The following PCDHGB2 variants were observed in gnomAD, a reference collection of about 807,000 sequenced individuals.
The protein encoded by PCDHGB2 is protocadherin gamma-B2.
PCDHGB2 carries 55 observed loss-of-function variants against 59.3 expected under a neutral mutation model. That is an observed-to-expected ratio of 0.93 (90% CI 0.75 to 1.16). PCDHGB2 has a LOEUF of 1.16. PCDHGB2 is among the 50% of genes most tolerant of loss of function. The probability of loss-of-function intolerance (pLI) is 0.00; values close to 1 mark genes in which losing one functional copy is unlikely to be tolerated. For missense variants in PCDHGB2, 1,228 were observed against 1,198.5 expected, an observed-to-expected ratio of 1.02 and a Z score of -0.36; for synonymous variants, 516 against 512.0, an observed-to-expected ratio of 1.01 and a Z score of -0.11.
At chr5:141,482,356 G>T (rs1330274684) in intron 1 of PCDHGB2, among the ~76,000 whole-genome samples, 1 of 152,236 alleles carries the variant, frequency 6.6e-6, no homozygotes, top group East Asian at 1.9e-4. Flanking sequence ...TGTTGTGAGA[G>T]TGAAAAGTAA....
At chr5:141,407,961 A>C in intron 1 of PCDHGB2, 1 of 672,320 alleles carries the variant, frequency 1.5e-6, no homozygotes, top group Non-Finnish European at 2.4e-6. Context: ...AGTGCAGAGC[A>C]AGCGCTGACG....
At position 141,419,294 on chromosome 5, in the gene PCDHGB2, C is replaced by T. The variant is rs770303087; in HGVS notation, c.2421+56738C>T. ...CATAGCGCAAGTCAGTGCCTCTGAC[C>T]CAGACTTCGGGCTCAACGGCCGTGT... On this transcript the variant is annotated intron_variant, in intron 1 of 3. Transcript: ENST00000522605. The T allele has an allele frequency of 1.9e-6, 3 of 1,614,036 alleles. No homozygotes were observed. Among genetic ancestry groups the T allele is most frequent in the East Asian group, 2.2e-5 (1 of 44,886 alleles).
Position 141,415,114 on chromosome 5 carries a change from G to A in PCDHGB2, c.2421+52558G>A, listed in dbSNP as rs186848544. On this transcript the variant is annotated intron_variant, in intron 1 of 3. Transcript: ENST00000522605. Reference sequence around the variant, plus strand: ...CAGAGACGCGCTCAAGCAAAGCCTCGTAGTGGCCGTCCAGGACCACGGCCA... The same window carrying A: ...CAGAGACGCGCTCAAGCAAAGCCTCATAGTGGCCGTCCAGGACCACGGCCA... 1.7e-5 allele frequency: 28 copies of A among 1,613,646 alleles called. No homozygotes were observed. In the African/African-American group the frequency reaches 2.7e-4, roughly 15 times the overall value.
chr5:141,471,017 A>G (rs989277146), intron 1 of PCDHGB2, among the ~76,000 whole-genome samples: 3 of 143,850 alleles, frequency 2.1e-5, no homozygotes, highest in African/African-American at 7.8e-5. Context: ...GTGCCTGGTC[A>G]ATCATTTTTA....
chr5:141,410,174 G>A (rs1369332920), intron 1 of PCDHGB2: 4 of 1,613,588 alleles, frequency 2.5e-6, no homozygotes, highest in East Asian at 2.2e-5. Flanking sequence ...CTCTGCCACC[G>A]CCACGCTTCA....
intron 1 of PCDHGB2, chr5:141,433,041 C>G (rs1171788078): frequency 6.2e-7 from 1 of 1,614,036 alleles, no homozygotes; most frequent in Non-Finnish European, 8.5e-7. Flanking sequence ...TCCCTCACCA[C>G]GGACTCGCGG....
chr5:141,384,804 A>C (rs1780531756), intron 1 of PCDHGB2: 1 of 1,613,332 alleles, frequency 6.2e-7, no homozygotes, highest in Non-Finnish European at 8.5e-7. Flanking sequence ...TGCTGGACAG[A>C]GATGCCCTCA....
chr5:141,368,109 C>T (rs1489519335), intron 1 of PCDHGB2, among the ~76,000 whole-genome samples: 2 of 152,118 alleles, frequency 1.3e-5, no homozygotes, highest in Non-Finnish European at 2.9e-5. Context: ...TCAGATGTTT[C>T]TTATTAAAAT....
chr5:141,382,792 T>C (rs993602404), intron 1 of PCDHGB2: 3 of 949,494 alleles, frequency 3.2e-6, no homozygotes, highest in Middle Eastern at 2.2e-4. Flanking sequence ...GCCTCTATCC[T>C]GCTGGATTCT....
intron 1 of PCDHGB2, among the ~76,000 whole-genome samples, chr5:141,482,760 C>CAGCTGTG (rs1363796107): frequency 2.1e-5 from 3 of 141,084 alleles, no homozygotes; most frequent in African/African-American, 5.7e-5. Flanking sequence ...TATGGTATTT[C>CAGCTGTG]ATTATCACTG....
chr5:141,477,263 G>A lies in PCDHGB2; in HGVS notation c.2422-17544G>A, dbSNP rs543767777. 1.4e-5 allele frequency: 23 copies of A among 1,614,192 alleles called. No individual in the cohort carries two copies. The highest frequency in any genetic ancestry group is 1.8e-5 in the Non-Finnish European group (21 of 1,180,046). On this transcript the variant is annotated intron_variant, in intron 1 of 3. Transcript: ENST00000522605. The surrounding 1 kb of genome is among the most constrained non-coding windows in gnomAD (Gnocchi z 4.9). The stretch of plus-strand genomic sequence containing the variant: ...CAGTGTGACTGACCTGGATGCTGGC[G>A]AGAACGGGCTGGTGACCTGCGAAGT...
chr5:141,416,062 T>G, intron 1 of PCDHGB2: 1 of 176,822 alleles, frequency 5.7e-6, no homozygotes, highest in Non-Finnish European at 1.2e-5. Flanking sequence ...AATCCAAGAA[T>G]ACTCAATGCA....
rs747994258 is a variant in PCDHGB2 at position 141,365,910 on chromosome 5, A to G, written c.2421+3354A>G. ...TCCTTCGACTATGAGCAGTTGAGAGACCTACAGTTGTGGGTGACAGCCAGC... is the reference window on the plus strand; with the variant it reads ...TCCTTCGACTATGAGCAGTTGAGAGGCCTACAGTTGTGGGTGACAGCCAGC... On this transcript the variant is annotated intron_variant, in intron 1 of 3. Transcript: ENST00000522605. The G allele has an allele frequency of 5.0e-6, 8 of 1,614,146 alleles. No homozygotes were observed. In the South Asian group the frequency reaches 8.8e-5, roughly 18 times the overall value.
rs115565444 is a variant in PCDHGB2 at position 141,487,520 on chromosome 5, G to C, written c.2422-7287G>C. 1 of 1,614,166 alleles carries C rather than the reference G, an allele frequency of 6.2e-7. No individual in the cohort carries two copies. Among genetic ancestry groups the C allele is most frequent in the Non-Finnish European group, 8.5e-7 (1 of 1,180,042 alleles). ...CTTGGCTTCTGCACCCACTCGGAGT[G>C]ATAGCTTCATGATGGTGAAGTCACC... On this transcript the variant is annotated intron_variant, in intron 1 of 3. Coordinates refer to ENST00000522605, the MANE Select transcript of PCDHGB2 (RefSeq NM_018923.3). The surrounding 1 kb of genome is among the most constrained non-coding windows in gnomAD (Gnocchi z 5.0).
chr5:141,385,549 C>T, intron 1 of PCDHGB2: 3 of 1,316,166 alleles, frequency 2.3e-6, no homozygotes, highest in East Asian at 2.9e-5. Context: ...TGGACTATCA[C>T]ATTTTATAAT....
Position 141,485,943 on chromosome 5 carries a change from C to A in PCDHGB2, c.2422-8864C>A, listed in dbSNP as rs750871245. The A allele has an allele frequency of 1.9e-6, 3 of 1,614,126 alleles. No individual in the cohort carries two copies. Among genetic ancestry groups the A allele is most frequent in the Non-Finnish European group, 1.7e-6 (2 of 1,180,012 alleles). ...ATTAGTGTGTTGGAGAGCGCACCAG[C>A]GGGCATGGTGCTCATCCAGCTCAAT... is the stretch of plus-strand genomic sequence containing the variant. On this transcript the variant is annotated intron_variant, in intron 1 of 3. Coordinates refer to ENST00000522605, the MANE Select transcript of PCDHGB2 (RefSeq NM_018923.3). The surrounding 1 kb of genome is among the most constrained non-coding windows in gnomAD (Gnocchi z 5.7).
intron 1 of PCDHGB2, chr5:141,413,772 A>G: frequency 1.9e-6 from 3 of 1,613,226 alleles, no homozygotes; most frequent in Non-Finnish European, 2.5e-6. Context: ...CGGAGCTGGT[A>G]CTGGAGCACT....
At chr5:141,435,925 A>G (rs978837252) in intron 1 of PCDHGB2, among the ~76,000 whole-genome samples, 16 of 152,166 alleles carry the variant, frequency 1.1e-4, no homozygotes, top group Non-Finnish European at 1.5e-5. Context: ...AAAATGCGGC[A>G]GTTGCTGCTT....
At chr5:141,419,789 G>A (rs758649709) in intron 1 of PCDHGB2, 2 of 1,614,068 alleles carry the variant, frequency 1.2e-6, no homozygotes, top group South Asian at 2.2e-5. Context: ...GCGCCTGCTA[G>A]TCGCTGTAAG....
Sources: gnomAD v4.1 joint callset for allele counts (sites outside exome capture counted in the v4.1 genomes callset) on GRCh38, gnomAD v4.1.1 for gene constraint, Gnocchi (gnomAD v3.1) non-coding constraint, MANE v1.5 for transcripts, NCBI Gene and HGNC (gene_info 2026-07-23, HGNC 2026-07-21) for gene names.